STOX2: variants seen among roughly 807,000 people sequenced by gnomAD.
The protein encoded by STOX2 is storkhead-box protein 2.
A neutral mutation model predicts 60.9 loss-of-function variants in STOX2; 28 were observed. The observed-to-expected ratio is 0.46, with a 90% CI of 0.34 to 0.63. The LOEUF (loss-of-function observed/expected upper bound fraction) is 0.63. Among genes scored for constraint, STOX2 ranks in the 30% least tolerant of loss-of-function variants. The pLI is 0.01. For missense variants in STOX2, 1,024 were observed against 1,187.7 expected (o/e 0.86, Z 2.03); for synonymous variants, 472 against 463.9 (o/e 1.02, Z -0.22).
chr4:183,942,713 AG>A (rs1428700171), intron 1 of STOX2, among the ~76,000 whole-genome samples: 26 of 152,288 alleles, frequency 1.7e-4, no homozygotes, highest in Admixed American at 1.6e-3. Context: ...AACAAATGGC[AG>A]ACAGGAACTG....
chr4:184,007,536 C>G (rs1230599225), intron 2 of STOX2, among the ~76,000 whole-genome samples: 1 of 152,218 alleles, frequency 6.6e-6, no homozygotes, highest in African/African-American at 2.4e-5. Context: ...CTATTGTTAT[C>G]TACCTTTTGA....
chr4:183,819,510 G>T (rs531296139), intron 1 of STOX2, among the ~76,000 whole-genome samples: 2 of 149,764 alleles, frequency 1.3e-5, no homozygotes, highest in African/African-American at 2.5e-5. Flanking sequence ...GTCCTGCTTC[G>T]GCTGGGCATC....
At chr4:183,948,240 A>AAC (rs1750132211) in intron 1 of STOX2, among the ~76,000 whole-genome samples, 6 of 150,708 alleles carry the variant, frequency 4.0e-5, no homozygotes, top group Middle Eastern at 3.2e-3. Flanking sequence ...AAAAAAAAAA[A>AAC]AAAACACGAA....
intron 2 of STOX2, among the ~76,000 whole-genome samples, chr4:184,006,677 C>G (rs1157676396): frequency 1.9e-5 from 2 of 107,014 alleles, no homozygotes; most frequent in Admixed American, 2.1e-4. Context: ...AAGGGTGAGA[C>G]CCTGTCTCAA....
chr4:183,835,523 C>T (rs916126559), intron 1 of STOX2, among the ~76,000 whole-genome samples: 1 of 152,272 alleles, frequency 6.6e-6, no homozygotes, highest in East Asian at 1.9e-4. Flanking sequence ...CGTGCCTGGC[C>T]AAACCAATAG....
intron 1 of STOX2, among the ~76,000 whole-genome samples, chr4:183,848,368 A>T (rs1482692941): frequency 1.3e-5 from 2 of 152,228 alleles, no homozygotes; most frequent in Admixed American, 1.3e-4. Flanking sequence ...ATAATATACA[A>T]AAGTCTTTTC....
chr4:183,847,590 G>A (rs779485944), intron 1 of STOX2, among the ~76,000 whole-genome samples: 8 of 152,178 alleles, frequency 5.3e-5, no homozygotes, highest in Non-Finnish European at 1.2e-4. Context: ...TCCAGCACTA[G>A]GAACCATCAC....
chr4:183,881,330 G>A (rs1001208980), intron 1 of STOX2, among the ~76,000 whole-genome samples: 4 of 152,128 alleles, frequency 2.6e-5, no homozygotes, highest in South Asian at 2.1e-4. Flanking sequence ...GTGAAACCCC[G>A]TCACTACTAA....
intron 1 of STOX2, among the ~76,000 whole-genome samples, chr4:183,876,935 A>T (rs988457477): frequency 3.3e-5 from 5 of 152,182 alleles, no homozygotes; most frequent in African/African-American, 1.2e-4. Context: ...ATCCTGGAAC[A>T]TGGCCGTGCC....
intron 2 of STOX2, among the ~76,000 whole-genome samples, chr4:184,008,452 A>AT (rs1185550514): frequency 6.6e-6 from 1 of 152,220 alleles, no homozygotes; most frequent in Admixed American, 6.5e-5. Context: ...TCACTCATGT[A>AT]TTTATTAGGG....
At chr4:183,798,716 T>G in intron 1 of STOX2, 1 of 985,282 alleles carries the variant, frequency 1.0e-6, no homozygotes, top group Non-Finnish European at 1.2e-6. Context: ...AAAAATCTGA[T>G]CCTCAACAAA....
intron 1 of STOX2, among the ~76,000 whole-genome samples, chr4:183,819,799 G>A (rs1275398292): frequency 6.6e-6 from 1 of 152,170 alleles, no homozygotes; most frequent in African/African-American, 2.4e-5. Context: ...GGAGAATAAG[G>A]TTCTTTCTCC....
chr4:183,811,400 C>T (rs989802708), intron 1 of STOX2, among the ~76,000 whole-genome samples: 7 of 152,194 alleles, frequency 4.6e-5, no homozygotes, highest in Non-Finnish European at 1.0e-4. Context: ...ATCCTAGGAA[C>T]AGATTTTCAG....
intron 1 of STOX2, among the ~76,000 whole-genome samples, chr4:183,914,751 T>C (rs1357219568): frequency 1.3e-5 from 2 of 152,188 alleles, no homozygotes; most frequent in African/African-American, 4.8e-5. Context: ...TTGGATTCCA[T>C]GAACTCAGAG....
intron 1 of STOX2, among the ~76,000 whole-genome samples, chr4:183,896,457 G>T (rs77121027): frequency 1.3e-5 from 2 of 152,128 alleles, no homozygotes; most frequent in African/African-American, 4.8e-5. Flanking sequence ...GTGCTCCTGC[G>T]CAGACTCCCA....
At chr4:184,013,758 C>A (rs1970890) in intron 3 of STOX2, among the ~76,000 whole-genome samples, 147,020 of 152,154 alleles carry the variant, frequency 0.97, 71,209 homozygotes, top group Middle Eastern at 1. Context: ...TATCATGCGC[C>A]TACATTACCA....
intron 1 of STOX2, among the ~76,000 whole-genome samples, chr4:183,887,092 C>G (rs943783356): frequency 1.3e-5 from 2 of 151,992 alleles, no homozygotes; most frequent in African/African-American, 4.8e-5. Flanking sequence ...AACCCTGTCT[C>G]TCCTAAAAAT....
chr4:183,812,316 G>A (rs1200219238), intron 1 of STOX2, among the ~76,000 whole-genome samples: 2 of 145,458 alleles, frequency 1.4e-5, no homozygotes, highest in Non-Finnish European at 3.0e-5. Context: ...AAATTTGCAT[G>A]TAATTTGAAT....
intron 1 of STOX2, among the ~76,000 whole-genome samples, chr4:183,876,708 C>G (rs1579363236): frequency 6.6e-6 from 1 of 152,312 alleles, no homozygotes; most frequent in South Asian, 2.1e-4. Flanking sequence ...CTGCCCAGCC[C>G]TGTGGCCTGA....
Sources: allele counts gnomAD v4.1 joint callset (sites outside exome capture counted in the v4.1 genomes callset), GRCh38; gene constraint gnomAD v4.1.1; transcripts MANE v1.5; gene names NCBI Gene and HGNC (gene_info 2026-07-23, HGNC 2026-07-21).